DLG2: variants seen among roughly 807,000 people sequenced by gnomAD.
DLG2 encodes discs large MAGUK scaffold protein 2, also known as disks large homolog 2.
DLG2 carries 45 observed loss-of-function variants against 132.5 expected under a neutral mutation model. That is an observed-to-expected ratio of 0.34 (90% CI 0.27 to 0.44). The LOEUF (loss-of-function observed/expected upper bound fraction) is 0.44. Ranked by LOEUF, DLG2 falls within the 20% of genes least tolerant of loss-of-function variation. The pLI is 1.00. For synonymous variants in DLG2, 424 were observed against 419.6 expected (o/e 1.01, Z -0.13); for missense variants, 1,045 against 1,196.9 (o/e 0.87, Z 1.87).
intron 3 of DLG2, among the ~76,000 whole-genome samples, chr11:85,423,538 G>A (rs762559559): frequency 6.6e-6 from 1 of 152,128 alleles, no homozygotes; most frequent in African/African-American, 2.4e-5. Context: ...GGGTAGGGAA[G>A]AACCACTGGG....
chr11:85,404,895 T>C (rs777899216), intron 3 of DLG2, among the ~76,000 whole-genome samples: 4 of 151,980 alleles, frequency 2.6e-5, no homozygotes, highest in Non-Finnish European at 4.4e-5. Flanking sequence ...AATCGTGTTT[T>C]ATAACTTATA....
At chr11:84,925,356 T>A (rs1325803851) in intron 6 of DLG2, among the ~76,000 whole-genome samples, 1 of 152,136 alleles carries the variant, frequency 6.6e-6, no homozygotes, top group East Asian at 1.9e-4. Context: ...GGGCTTTAGA[T>A]ACCATTTTAA....
chr11:83,897,946 G>A (rs533127127), intron 15 of DLG2, among the ~76,000 whole-genome samples: 23 of 152,224 alleles, frequency 1.5e-4, no homozygotes, highest in African/African-American at 4.8e-4. Flanking sequence ...CTGAGGCTTG[G>A]AAAGGTAAAA....
intron 7 of DLG2, among the ~76,000 whole-genome samples, chr11:84,435,945 C>T (rs2098999329): frequency 6.6e-6 from 1 of 152,096 alleles, no homozygotes; most frequent in Admixed American, 6.5e-5. Flanking sequence ...TTCTCTCATC[C>T]ATACAACTTA....
chr11:84,385,985 G>C (rs1302257041), intron 7 of DLG2, among the ~76,000 whole-genome samples: 1 of 152,092 alleles, frequency 6.6e-6, no homozygotes, highest in Non-Finnish European at 1.5e-5. Context: ...GTTAACTGTG[G>C]AGGAGACAAA....
chr11:84,422,069 T>C (rs967484308), intron 7 of DLG2, among the ~76,000 whole-genome samples: 1 of 152,164 alleles, frequency 6.6e-6, no homozygotes, highest in Non-Finnish European at 1.5e-5. Context: ...CAAACATATC[T>C]CTCCCTCACT....
intron 18 of DLG2, among the ~76,000 whole-genome samples, chr11:83,674,826 T>G (rs1203894134): frequency 6.6e-6 from 1 of 152,232 alleles, no homozygotes; most frequent in East Asian, 1.9e-4. Flanking sequence ...AGAAATATAC[T>G]TTGATTCTGT....
chr11:84,130,879 A>G (rs181384647), intron 9 of DLG2, among the ~76,000 whole-genome samples: 9 of 152,036 alleles, frequency 5.9e-5, no homozygotes, highest in Non-Finnish European at 1.2e-4. Context: ...CTGTTCTGAG[A>G]AACAAACTCA....
intron 17 of DLG2, among the ~76,000 whole-genome samples, chr11:83,817,531 A>T (rs2049372857): frequency 6.6e-6 from 1 of 152,104 alleles, no homozygotes; most frequent in Non-Finnish European, 1.5e-5. Flanking sequence ...AAAAAGTATG[A>T]ATGTATGCCT....
At chr11:83,976,860 A>G (rs1483893372) in intron 12 of DLG2, among the ~76,000 whole-genome samples, 1 of 151,988 alleles carries the variant, frequency 6.6e-6, no homozygotes, top group Non-Finnish European at 1.5e-5. Context: ...ACATATATGA[A>G]CTAACCAGAG....
intron 9 of DLG2, among the ~76,000 whole-genome samples, chr11:84,121,367 A>C (rs73515738): frequency 2.1e-3 from 314 of 152,262 alleles, no homozygotes; most frequent in African/African-American, 7.0e-3. Context: ...TTATTACAGA[A>C]CTAATGAATG....
intron 6 of DLG2, among the ~76,000 whole-genome samples, chr11:84,663,260 A>G (rs1218862255): frequency 7.0e-6 from 1 of 142,480 alleles, no homozygotes; most frequent in Non-Finnish European, 1.5e-5. Flanking sequence ...TTTTTTTTTC[A>G]TATATTCTGC....
chr11:83,673,536 G>A (rs2077182144), intron 18 of DLG2, among the ~76,000 whole-genome samples: 1 of 152,154 alleles, frequency 6.6e-6, no homozygotes, highest in Non-Finnish European at 1.5e-5. Flanking sequence ...TTAAAATGAG[G>A]TTGTTGATGG....
intron 2 of DLG2, among the ~76,000 whole-genome samples, chr11:85,614,317 G>GT (rs771726799): frequency 5.1e-4 from 76 of 148,528 alleles, no homozygotes; most frequent in African/African-American, 1.5e-3. Context: ...CTTGAACCAG[G>GT]TTTTTTTTTT....
intron 16 of DLG2, among the ~76,000 whole-genome samples, chr11:83,849,878 C>G (rs1160085873): frequency 6.6e-6 from 1 of 151,978 alleles, no homozygotes; most frequent in Non-Finnish European, 1.5e-5. Flanking sequence ...TTCCCCCGGC[C>G]TTCGTGTCTC....
chr11:83,465,631 A>G (rs1020302346), intron 26 of DLG2, among the ~76,000 whole-genome samples: 2 of 152,204 alleles, frequency 1.3e-5, no homozygotes, highest in African/African-American at 4.8e-5. Flanking sequence ...TTTATAATGA[A>G]GTAATTTTAT....
chr11:84,222,384 CTG>C (rs199510619), intron 8 of DLG2, among the ~76,000 whole-genome samples: 1,753 of 152,256 alleles, frequency 0.012, 36 homozygotes, highest in African/African-American at 0.039. Flanking sequence ...AATTGAGACA[CTG>C]TACTATAATA....
At chr11:83,519,736 C>T (rs2095415620) in intron 21 of DLG2, among the ~76,000 whole-genome samples, 1 of 152,230 alleles carries the variant, frequency 6.6e-6, no homozygotes, top group African/African-American at 2.4e-5. Context: ...TTGCCTATTA[C>T]TGCGAAGGGC....
In DLG2 at chr11:85,250,160, G is replaced by A. The variant is rs145669330; in HGVS notation, c.186+35060C>T. 2.9e-3 allele frequency among the ~76,000 whole-genome samples: 448 copies of A among 152,214 alleles called. 1 individual carries two copies. The highest frequency in any genetic ancestry group is 0.01 in the African/African-American group (435 of 41,530). On this transcript the variant is annotated intron_variant, in intron 4 of 27. Coordinates refer to ENST00000376104, the MANE Select transcript of DLG2 (RefSeq NM_001142699.3). The stretch of plus-strand genomic sequence containing the variant: ...CAGCAAGGAGTATGGTTCAGCATAC[G>A]TTTGACGGTTTTAAAGGCACAAAAT...
Sources: allele counts gnomAD v4.1 joint callset (sites outside exome capture counted in the v4.1 genomes callset), GRCh38; gene constraint gnomAD v4.1.1; transcripts MANE v1.5; gene names NCBI Gene and HGNC (gene_info 2026-07-23, HGNC 2026-07-21).